MAP4: variants seen among roughly 807,000 people sequenced by gnomAD.
MAP4 encodes the protein microtubule-associated protein 4.
A neutral mutation model predicts 170.2 loss-of-function variants in MAP4; 76 were observed. The observed-to-expected ratio is 0.45, with a 90% CI of 0.37 to 0.54. The LOEUF (loss-of-function observed/expected upper bound fraction) is 0.54, where lower values mean the gene tolerates loss of function less well. Among genes scored for constraint, MAP4 ranks in the 20% least tolerant of loss-of-function variants. The pLI is 0.00. For missense variants in MAP4, 2,506 were observed against 2,748.0 expected, an observed-to-expected ratio of 0.91 and a Z score of 1.97; for synonymous variants, 909 against 994.5, an observed-to-expected ratio of 0.91 and a Z score of 1.62.
chr3:48,087,451 C>CA (rs2100149671), intron 1 of MAP4, among the ~76,000 whole-genome samples: 1 of 152,034 alleles, frequency 6.6e-6, no homozygotes, highest in South Asian at 2.1e-4. Flanking sequence ...GATGACTGGG[C>CA]AGTGTTACCC....
intron 1 of MAP4, among the ~76,000 whole-genome samples, chr3:48,013,294 C>T (rs535911054): frequency 3.3e-5 from 5 of 151,512 alleles, no homozygotes. Context: ...GAATGAGAAG[C>T]ATTTACTCTA....
At chr3:47,978,288 C>T (rs769596174) in intron 2 of MAP4, among the ~76,000 whole-genome samples, 6 of 152,002 alleles carry the variant, frequency 3.9e-5, no homozygotes, top group South Asian at 2.1e-4. Flanking sequence ...CCAAATCAAA[C>T]GCTCCAAGAA....
At chr3:48,077,933 A>C (rs891671296) in intron 1 of MAP4, among the ~76,000 whole-genome samples, 1 of 152,198 alleles carries the variant, frequency 6.6e-6, no homozygotes, top group Non-Finnish European at 1.5e-5. Context: ...CCAAACACAG[A>C]AAGGCCATTT....
chr3:48,065,748 A>G (rs1004911326), intron 1 of MAP4, among the ~76,000 whole-genome samples: 1 of 152,220 alleles, frequency 6.6e-6, no homozygotes, highest in African/African-American at 2.4e-5. Flanking sequence ...AAAACTAGTG[A>G]TGCCACAGAG....
intron 5 of MAP4, among the ~76,000 whole-genome samples, chr3:47,919,874 C>T (rs994786280): frequency 1.3e-5 from 2 of 152,154 alleles, no homozygotes; most frequent in African/African-American, 4.8e-5. Context: ...ACCTCCCTTT[C>T]CAACATTAGA....
chr3:48,064,237 T>C (rs551617429), intron 1 of MAP4, among the ~76,000 whole-genome samples: 3 of 152,228 alleles, frequency 2.0e-5, no homozygotes, highest in South Asian at 4.2e-4. Context: ...GATAACATCA[T>C]TATTGTAAAA....
chr3:47,921,772 G>A lies in MAP4; in HGVS notation c.522C>T (p.Asp174=), dbSNP rs140778284. The A allele has an allele frequency of 1.5e-4, 232 of 1,599,308 alleles. No individual in the cohort carries two copies. Among genetic ancestry groups the A allele is most frequent in the Non-Finnish European group, 1.8e-4 (207 of 1,166,766 alleles). Residue 174 remains aspartate, a synonymous_variant, in exon 5 of 21, where the codon GAC becomes GAT. Coordinates refer to ENST00000683076, the MANE Select transcript of MAP4 (RefSeq NM_001385682.1). The part of the protein sequence containing the change: ...IFAGQNDPLK[D]SYGMSPCNTA... ...CATTTGAAGAAGCCATACCGTAACTGTCTTTCAAGGGATCATTTTGTCCTG... is the reference window on the plus strand; with the variant it reads ...CATTTGAAGAAGCCATACCGTAACTATCTTTCAAGGGATCATTTTGTCCTG...
At chr3:48,029,423 G>T (rs972462407) in intron 1 of MAP4, among the ~76,000 whole-genome samples, 1 of 152,068 alleles carries the variant, frequency 6.6e-6, no homozygotes, top group Admixed American at 6.5e-5. Flanking sequence ...GTGACAGAGC[G>T]AGACTCTGTC....
chr3:47,892,161 A>C (rs757958831), intron 10 of MAP4: 1 of 1,536,250 alleles, frequency 6.5e-7, no homozygotes, highest in South Asian at 1.2e-5. Context: ...CAGGTCTCTG[A>C]AATCACATAC....
intron 1 of MAP4, among the ~76,000 whole-genome samples, chr3:48,069,520 G>A (rs1190512499): frequency 6.6e-6 from 1 of 152,052 alleles, no homozygotes; most frequent in Admixed American, 6.6e-5. Context: ...TGTTAATTTG[G>A]GCAAGTCTAC....
chr3:47,987,990 T>A (rs759396997), intron 2 of MAP4, among the ~76,000 whole-genome samples: 12 of 151,960 alleles, frequency 7.9e-5, no homozygotes, highest in Non-Finnish European at 1.6e-4. Context: ...GTCAGGAGAT[T>A]GAGACCATCC....
intron 17 of MAP4, among the ~76,000 whole-genome samples, chr3:47,858,609 GTGTGTGCGCGT>G (rs1227505652): frequency 1.5e-5 from 2 of 137,732 alleles, no homozygotes; most frequent in African/African-American, 6.0e-5. Flanking sequence ...GTGTGTGTGT[GTGTGTGCGCGT>G]TGTGTGTGTG....
intron 3 of MAP4, among the ~76,000 whole-genome samples, chr3:47,963,545 C>A (rs17079872): frequency 0.044 from 6,630 of 152,224 alleles, 477 homozygotes; most frequent in African/African-American, 0.15. Flanking sequence ...CAGAAAGATG[C>A]GTACCAATAA....
chr3:47,891,620 G>A (rs1423087571), intron 10 of MAP4: 1 of 1,535,924 alleles, frequency 6.5e-7, no homozygotes, highest in African/African-American at 1.4e-5. Flanking sequence ...TTTCTGCTGG[G>A]GGGCTTGGTT....
At chr3:47,885,016 T>C (rs1053732437) in intron 10 of MAP4, among the ~76,000 whole-genome samples, 1 of 152,210 alleles carries the variant, frequency 6.6e-6, no homozygotes, top group Non-Finnish European at 1.5e-5. Flanking sequence ...ACACTGTACC[T>C]GCAGGCAGAC....
chr3:47,920,047 T>C (rs2100041921), intron 5 of MAP4, among the ~76,000 whole-genome samples: 1 of 152,194 alleles, frequency 6.6e-6, no homozygotes, highest in Admixed American at 6.5e-5. Context: ...CTCAGCTCAC[T>C]GCAACCTCCA....
chr3:48,042,471 A>G (rs2154534922), intron 1 of MAP4, among the ~76,000 whole-genome samples: 1 of 152,366 alleles, frequency 6.6e-6, no homozygotes, highest in Admixed American at 6.5e-5. Flanking sequence ...AAAAATGAAC[A>G]AAGAATCTGT....
intron 1 of MAP4, among the ~76,000 whole-genome samples, chr3:48,078,999 T>C (rs2154569241): frequency 6.6e-6 from 1 of 151,878 alleles, no homozygotes; most frequent in East Asian, 1.9e-4. Context: ...GGTGAAACGC[T>C]GTCTCTACAA....
chr3:47,928,243 C>T lies in MAP4; in HGVS notation c.400G>A (p.Asp134Asn), dbSNP rs371372569. ...CAACACTTACCAGTCTGGATAGGATCGACCACTTGCTCAGGTTGGAAACAA... is the reference window on the plus strand; with the variant it reads ...CAACACTTACCAGTCTGGATAGGATTGACCACTTGCTCAGGTTGGAAACAA... The part of the protein sequence containing the change: ...NFCFQPEQVV[D>N]PIQTDPFKMY... The change falls in exon 4 of 21, where the codon GAT becomes AAT. Residue 134 changes from aspartate (D) to asparagine (N), a missense_variant. This residue lies in a region of MAP4 where 2,008 missense variants were observed against 2,206.0 expected (regional missense o/e 0.91). Transcript: ENST00000683076. 3.3e-5 allele frequency: 53 copies of T among 1,614,046 alleles called. No homozygotes were observed. The highest frequency in any genetic ancestry group is 4.2e-5 in the Non-Finnish European group (49 of 1,180,032).
Sources: allele counts gnomAD v4.1 joint callset (sites outside exome capture counted in the v4.1 genomes callset), GRCh38; gene constraint gnomAD v4.1.1; regional missense constraint gnomAD v4.1.1; transcripts MANE v1.5; gene names NCBI Gene and HGNC (gene_info 2026-07-23, HGNC 2026-07-21).